NALCN: variants seen among roughly 807,000 people sequenced by gnomAD.
NALCN encodes sodium leak channel, non-selective.
A neutral mutation model predicts 225.3 loss-of-function variants in NALCN; 111 were observed. That is an observed-to-expected ratio of 0.49 (90% CI 0.42 to 0.58). The LOEUF (loss-of-function observed/expected upper bound fraction) is 0.58, where lower values mean the gene tolerates loss of function less well. NALCN is among the 20% of genes least tolerant of loss of function. NALCN has a pLI of 0.00. For missense variants in NALCN, 1,378 were observed against 2,202.4 expected (o/e 0.63, Z 7.49); for synonymous variants, 764 against 769.0 (o/e 0.99, Z 0.11).
At chr13:101,402,029 C>T (rs924854700) in intron 1 of NALCN, among the ~76,000 whole-genome samples, 3 of 152,142 alleles carry the variant, frequency 2.0e-5, no homozygotes, top group African/African-American at 4.8e-5. Flanking sequence ...AAACTGCATA[C>T]AGCAGACCTA....
chr13:101,109,512 G>A (rs1317388879), intron 20 of NALCN, among the ~76,000 whole-genome samples: 1 of 152,200 alleles, frequency 6.6e-6, no homozygotes, highest in African/African-American at 2.4e-5. Context: ...GAGATAAGTG[G>A]TGAAAAAGAG....
chr13:101,074,338 C>T (rs1956332186), intron 36 of NALCN, among the ~76,000 whole-genome samples, 176 bp downstream of exon 36: 2 of 152,072 alleles, frequency 1.3e-5, no homozygotes, highest in African/African-American at 4.8e-5. Flanking sequence ...AGTTGAATAA[C>T]CTTTTTCAAC....
chr13:101,113,182 A>G lies in NALCN; in HGVS notation c.2193-1956T>C, dbSNP rs190399295. Among the ~76,000 whole-genome samples, 361 of 152,294 alleles carry G rather than the reference A, an allele frequency of 2.4e-3. 1 individual carries two copies. Among genetic ancestry groups the G allele is most frequent in the African/African-American group, 8.5e-3 (355 of 41,574 alleles). On this transcript the variant is annotated intron_variant, in intron 18 of 43. Coordinates refer to ENST00000251127, the MANE Select transcript of NALCN (RefSeq NM_052867.4). ...ATGTCTAACGAGAACATTCTGAAAAATCTTATTCCATTATACAAGGAGACC... is the reference window on the plus strand; with the variant it reads ...ATGTCTAACGAGAACATTCTGAAAAGTCTTATTCCATTATACAAGGAGACC...
intron 40 of NALCN, among the ~76,000 whole-genome samples, chr13:101,064,559 TACACACACAC>T (rs57799563): frequency 2.4e-4 from 35 of 148,302 alleles, no homozygotes; most frequent in South Asian, 1.3e-3. Flanking sequence ...TGAACATAGA[TACACACACAC>T]ACACACACAC....
At chr13:101,399,263 T>C (rs559140871) in intron 1 of NALCN, 98 bp from the exon 2 acceptor site, 3 of 707,090 alleles carry the variant, frequency 4.2e-6, no homozygotes, top group East Asian at 2.8e-5. Context: ...AAGGCATATA[T>C]GTGTTCTACT....
intron 18 of NALCN, among the ~76,000 whole-genome samples, chr13:101,124,248 G>T (rs997770892): frequency 6.6e-6 from 1 of 151,998 alleles, no homozygotes; most frequent in South Asian, 2.1e-4. Context: ...GAACTATAAT[G>T]AAAAAGTTTA....
intron 9 of NALCN, among the ~76,000 whole-genome samples, chr13:101,291,064 G>C (rs2043534385): frequency 6.6e-6 from 1 of 152,096 alleles, no homozygotes; most frequent in African/African-American, 2.4e-5. Context: ...CTGCCCTGCT[G>C]CTTTTAGCAA....
At chr13:101,303,472 T>C (rs1437397732) in intron 7 of NALCN, among the ~76,000 whole-genome samples, 1 of 152,130 alleles carries the variant, frequency 6.6e-6, no homozygotes, top group Non-Finnish European at 1.5e-5. Context: ...TATAAGTCAT[T>C]TTCCCCACCA....
chr13:101,144,727 G>A (rs770163694), intron 16 of NALCN, 33 bp downstream of exon 16: 5 of 1,591,394 alleles, frequency 3.1e-6, no homozygotes, highest in Non-Finnish European at 4.3e-6. Context: ...TACAATATAT[G>A]TGAAATATGC....
chr13:101,135,185 A>C (rs1009711805), intron 17 of NALCN, among the ~76,000 whole-genome samples: 2 of 152,206 alleles, frequency 1.3e-5, no homozygotes, highest in African/African-American at 4.8e-5. Flanking sequence ...ACAGAGCGAG[A>C]CTCCGTCTCA....
chr13:101,117,166 T>G (rs947591606), intron 18 of NALCN, among the ~76,000 whole-genome samples: 3 of 152,350 alleles, frequency 2.0e-5, no homozygotes, highest in Admixed American at 6.5e-5. Context: ...TAGAAAGGCA[T>G]GTAAATACAT....
At position 101,107,683 on chromosome 13, in the gene NALCN, T is replaced by C. The variant is rs944996842; in HGVS notation, c.2456+15A>G. 1 of 1,613,932 alleles carries C rather than the reference T, an allele frequency of 6.2e-7. No individual in the cohort carries two copies. The highest frequency in any genetic ancestry group is 8.5e-7 in the Non-Finnish European group (1 of 1,179,966). ...TTCCCGAATGAGAGCCATGGGACAC[T>C]GCAGCAACCTGTACCTTTTCATCTC... On this transcript the variant is annotated intron_variant, in intron 21 of 43. Transcript: ENST00000251127.
intron 27 of NALCN, among the ~76,000 whole-genome samples, chr13:101,100,394 A>G (rs1321175885): frequency 1.3e-5 from 2 of 152,198 alleles, no homozygotes; most frequent in African/African-American, 4.8e-5. Flanking sequence ...AGGAGGGAAG[A>G]GTGACATTCT....
chr13:101,138,067 T>C (rs934406836), intron 17 of NALCN, among the ~76,000 whole-genome samples: 3 of 152,202 alleles, frequency 2.0e-5, no homozygotes, highest in African/African-American at 7.2e-5. Context: ...TCTTCCTTTA[T>C]CAATCAATCA....
At chr13:101,123,478 G>A (rs887753563) in intron 18 of NALCN, among the ~76,000 whole-genome samples, 1 of 152,174 alleles carries the variant, frequency 6.6e-6, no homozygotes. Flanking sequence ...GTAATACCAG[G>A]ATGGAGTTAC....
intron 13 of NALCN, among the ~76,000 whole-genome samples, chr13:101,224,282 T>C (rs2041054677): frequency 6.6e-6 from 1 of 152,166 alleles, no homozygotes; most frequent in African/African-American, 2.4e-5. Flanking sequence ...TAACCAACCT[T>C]GCTACAGACC....
At chr13:101,213,637 A>G (rs2040611824) in intron 13 of NALCN, among the ~76,000 whole-genome samples, 1 of 152,242 alleles carries the variant, frequency 6.6e-6, no homozygotes, top group Non-Finnish European at 1.5e-5. Context: ...GGCGAAGGAT[A>G]TGAACAGACA....
At position 101,109,748 on chromosome 13, in the gene NALCN, C is replaced by T. The variant is rs542586609; in HGVS notation, c.2364+871G>A. ...ATGGTATAGCTGCTGGGCCATATAA[C>T]GCTTGGCTTCTCTGCATTTTTTTCA... On this transcript the variant is annotated intron_variant, in intron 20 of 43. Coordinates refer to ENST00000251127, the MANE Select transcript of NALCN (RefSeq NM_052867.4). Among the ~76,000 whole-genome samples, 43 of 152,244 alleles carry T rather than the reference C, an allele frequency of 2.8e-4. No homozygotes were observed. The South Asian group carries it at 7.0e-3, about 25-fold the overall frequency.
intron 39 of NALCN, among the ~76,000 whole-genome samples, chr13:101,066,006 C>G (rs547245521): frequency 8.6e-4 from 131 of 152,268 alleles, no homozygotes; most frequent in Non-Finnish European, 8.1e-4. Flanking sequence ...ATGCTAGGAA[C>G]GTCTCAATGT....
Sources: allele counts gnomAD v4.1 joint callset (sites outside exome capture counted in the v4.1 genomes callset), GRCh38; gene constraint gnomAD v4.1.1; transcripts MANE v1.5; gene names NCBI Gene and HGNC (gene_info 2026-07-23, HGNC 2026-07-21).